The following ADAM20 variants were observed in gnomAD, a reference collection of about 807,000 sequenced individuals.
ADAM20 encodes disintegrin and metalloproteinase domain-containing protein 20.
For synonymous variants in ADAM20, 305 were observed against 310.2 expected (o/e 0.98, Z 0.18); for missense variants, 871 against 883.2 (o/e 0.99, Z 0.18).
the ADAM20 span, among the ~76,000 whole-genome samples, chr14:70,566,322 T>C: frequency 6.6e-6 from 1 of 152,088 alleles, no homozygotes; most frequent in Non-Finnish European, 1.5e-5. Flanking sequence ...AATAAATGGG[T>C]AGTTTTGTAT....
chr14:70,554,833 A>G, the ADAM20 span, among the ~76,000 whole-genome samples: 11 of 152,182 alleles, frequency 7.2e-5, no homozygotes, highest in Admixed American at 6.5e-5. Flanking sequence ...TCTTGAAAAA[A>G]TTGGACAAAA....
chr14:70,545,497 A>G, the ADAM20 span, among the ~76,000 whole-genome samples: 8 of 151,606 alleles, frequency 5.3e-5, no homozygotes, highest in African/African-American at 1.7e-4. Flanking sequence ...ATAAAGACAC[A>G]CAGAGACTAA....
chr14:70,576,229 C>T, the ADAM20 span, among the ~76,000 whole-genome samples: 1 of 152,204 alleles, frequency 6.6e-6, no homozygotes, highest in Non-Finnish European at 1.5e-5. Context: ...ACTTTACTAA[C>T]ACTGATCGGA....
rs1595016180 is a variant in ADAM20, at chr14:70,524,642, G to A, written c.116C>T (p.Ser39Phe). Residue 39 changes from serine to phenylalanine, a missense_variant, in exon 2 of 2, where the codon TCT becomes TTT. Coordinates refer to ENST00000256389, the MANE Select transcript of ADAM20 (RefSeq NM_003814.5). ...SQARPSQYFT[S>F]PEVVIPLKVI... ...CTTCAAAGGGATCACCACTTCTGGA[G>A]AAGTGAAATACTGGGAGGGCCTGGC... 6.2e-7 allele frequency: 1 copy of A among 1,614,038 alleles called. No individual in the cohort carries two copies. The highest frequency in any genetic ancestry group is 1.3e-5 in the African/African-American group (1 of 75,030).
Position 70,524,396 on chromosome 14 carries a change from G to A in ADAM20, c.362C>T (p.Ser121Phe). ...YHGYVEGVPE[S>F]LVALSTCSGG... ...AGAACAGGTACTAAGGGCAACCAAG[G>A]ACTCAGGGACCCCCTCCACATAACC... Residue 121 changes from serine (S) to phenylalanine (F), a missense_variant, in exon 2 of 2, where the codon TCC becomes TTC. Transcript: ENST00000256389. The A allele has an allele frequency of 1.2e-6, 2 of 1,613,954 alleles. No homozygotes were observed. The highest frequency in any genetic ancestry group is 1.7e-6 in the Non-Finnish European group (2 of 1,179,928).
chr14:70,578,418 T>G, the ADAM20 span, among the ~76,000 whole-genome samples: 3 of 152,086 alleles, frequency 2.0e-5, no homozygotes. Flanking sequence ...AAAACTCTTC[T>G]GGACATTGGC....
intron 1 of ADAM20, among the ~76,000 whole-genome samples, chr14:70,528,136 G>T (rs1160135806): frequency 1.3e-5 from 2 of 152,246 alleles, no homozygotes; most frequent in East Asian, 3.9e-4. Context: ...TATTGTTATT[G>T]ATATAAAATG....
the ADAM20 span, among the ~76,000 whole-genome samples, chr14:70,571,542 A>G: frequency 6.6e-6 from 1 of 152,218 alleles, no homozygotes; most frequent in Non-Finnish European, 1.5e-5. Context: ...TAAATTACCC[A>G]GTCTCAAGTA....
At chr14:70,563,472 T>G in the ADAM20 span, among the ~76,000 whole-genome samples, 230 of 152,286 alleles carry the variant, frequency 1.5e-3, 2 homozygotes, top group African/African-American at 5.3e-3. Flanking sequence ...AAAAACTGTG[T>G]TGTTCTACGC....
chr14:70,533,851 G>A (rs546819692), intron 1 of ADAM20, among the ~76,000 whole-genome samples: 1 of 151,578 alleles, frequency 6.6e-6, no homozygotes, highest in African/African-American at 2.4e-5. Flanking sequence ...GGGAGGCTAA[G>A]GTGGGTGGAT....
chr14:70,524,102 C>G lies in ADAM20; in HGVS notation c.656G>C (p.Arg219Thr), dbSNP rs1333048668. ...VELVVVVDNI[R>T]YLFSQSNATT... ...TGCATTACTTTGAGAGAAAAGATAT[C>G]TAATATTATCCACGACCACTACCAG... The change falls in exon 2 of 2, where the codon AGA (arginine) becomes ACA (threonine). Residue 219 changes from arginine (R) to threonine (T), a missense_variant. Arg to Thr is a moderately conservative substitution (Grantham distance 71, BLOSUM62 -1). Transcript: ENST00000256389. 1.9e-6 allele frequency: 3 copies of G among 1,613,742 alleles called. No homozygotes were observed. Among genetic ancestry groups the G allele is most frequent in the East Asian group, 2.2e-5 (1 of 44,878 alleles).
chr14:70,544,848 C>T, the ADAM20 span, among the ~76,000 whole-genome samples: 1 of 151,842 alleles, frequency 6.6e-6, no homozygotes, highest in East Asian at 1.9e-4. Flanking sequence ...AAATTTTCAA[C>T]ATTAATAGAT....
intron 1 of ADAM20, among the ~76,000 whole-genome samples, chr14:70,531,666 T>C (rs1184563817): frequency 6.6e-6 from 1 of 152,028 alleles, no homozygotes; most frequent in Non-Finnish European, 1.5e-5. Context: ...AGTTGCAGGA[T>C]ACAAAATCAA....
upstream of ADAM20, among the ~76,000 whole-genome samples, chr14:70,536,944 C>CAA (rs577264085): frequency 0.15 from 18,915 of 125,040 alleles, 1,716 homozygotes; most frequent in East Asian, 0.46. Flanking sequence ...CACTCCTAAC[C>CAA]AAAAAAAAAA....
At chr14:70,535,053 G>C (rs1883803210), upstream of ADAM20, 1 of 152,242 alleles carries the variant, frequency 6.6e-6, no homozygotes, top group Non-Finnish European at 1.5e-5. Flanking sequence ...ATCACAATTA[G>C]TTACTACTCA....
At chr14:70,552,987 T>G in the ADAM20 span, among the ~76,000 whole-genome samples, 2 of 50,560 alleles carry the variant, frequency 4.0e-5, no homozygotes, top group Non-Finnish European at 7.4e-5. Context: ...CCATAAAAAA[T>G]GATGAGTTCA....
At chr14:70,541,471 T>C in the ADAM20 span, among the ~76,000 whole-genome samples, 5 of 152,304 alleles carry the variant, frequency 3.3e-5, no homozygotes, top group Middle Eastern at 3.4e-3. Context: ...AAAAGCACAA[T>C]GGGTTTTTTT....
the ADAM20 span, among the ~76,000 whole-genome samples, chr14:70,541,797 GTAA>G: frequency 6.6e-6 from 1 of 152,278 alleles, no homozygotes; most frequent in African/African-American, 2.4e-5. Context: ...TACATTATCA[GTAA>G]TAATTACACT....
rs554347882 is a variant in ADAM20, at chr14:70,530,876, T to TA, written c.-177+3920dup. Among the ~76,000 whole-genome samples the TA allele has an allele frequency of 2.0e-3, 289 of 141,084 alleles. 1 individual carries two copies. Among genetic ancestry groups the TA allele is most frequent in the South Asian group, 5.8e-3 (26 of 4,484 alleles). The allele number at this position is 141,084 out of a possible 152,430, so 92.6% of individuals were successfully genotyped here. On this transcript the variant is annotated intron_variant, in intron 1 of 1. Transcript: ENST00000256389. The stretch of plus-strand genomic sequence containing the variant: ...GTTTACAGAGATAAATACTGACATT[T>TA]AAAAAAAAAAAAGAGAGAGAGAAAT...
Sources: gnomAD v4.1 joint callset for allele counts (sites outside exome capture counted in the v4.1 genomes callset) on GRCh38, gnomAD v4.1.1 for gene constraint, MANE v1.5 for transcripts, NCBI Gene and HGNC (gene_info 2026-07-23, HGNC 2026-07-21) for gene names.